EBF1: variants seen among roughly 807,000 people sequenced by gnomAD.
The protein encoded by EBF1 is EBF transcription factor 1.
EBF1 carries 10 observed loss-of-function variants against 68.4 expected under a neutral mutation model. The ratio of observed to expected loss-of-function variants is 0.15; its 90% CI spans 0.09 to 0.25. EBF1 has a LOEUF of 0.25. EBF1 is among the 10% of genes least tolerant of loss of function. The pLI, the probability that EBF1 is intolerant of heterozygous loss-of-function variation, is 1.00. For missense variants in EBF1, 509 were observed against 794.4 expected (o/e 0.64, Z 4.32); for synonymous variants, 298 against 299.8 (o/e 0.99, Z 0.06).
At chr5:158,835,389 C>A (rs187035778) in intron 7 of EBF1, among the ~76,000 whole-genome samples, 26 of 152,248 alleles carry the variant, frequency 1.7e-4, no homozygotes, top group African/African-American at 6.3e-4. Context: ...TTTCTAAAGT[C>A]CCTGCAAGTA....
intron 7 of EBF1, among the ~76,000 whole-genome samples, chr5:158,828,830 T>G (rs912630675): frequency 1.3e-5 from 2 of 152,152 alleles, no homozygotes; most frequent in African/African-American, 4.8e-5. Context: ...TGGTAATCCA[T>G]ATAATAGAAT....
At chr5:158,704,312 G>A (rs1757392855) in intron 15 of EBF1, among the ~76,000 whole-genome samples, 1 of 152,232 alleles carries the variant, frequency 6.6e-6, no homozygotes, top group African/African-American at 2.4e-5. Context: ...GACTAAGGGA[G>A]TGCTGCTGGG....
intron 6 of EBF1, among the ~76,000 whole-genome samples, chr5:158,981,468 G>T (rs1360654262): frequency 6.6e-6 from 1 of 152,080 alleles, no homozygotes; most frequent in Non-Finnish European, 1.5e-5. Context: ...TCATAAAATT[G>T]TGAAGAGGTT....
intron 6 of EBF1, among the ~76,000 whole-genome samples, chr5:158,916,022 CCT>C (rs1473771680): frequency 6.6e-6 from 1 of 152,110 alleles, no homozygotes; most frequent in Non-Finnish European, 1.5e-5. Flanking sequence ...ACCTGTAGCT[CCT>C]GACAAGTGTA....
intron 6 of EBF1, among the ~76,000 whole-genome samples, chr5:158,882,592 A>C (rs1054195234): frequency 6.6e-6 from 1 of 152,234 alleles, no homozygotes; most frequent in African/African-American, 2.4e-5. Flanking sequence ...AAAATATGCA[A>C]AGTTTCTCGA....
At position 159,006,647 on chromosome 5, in the gene EBF1, T is replaced by TAAAAAAAAAAAAAAAAAAA. The variant is rs36045942; in HGVS notation, c.554+66730_554+66748dup. 3.6e-5 allele frequency among the ~76,000 whole-genome samples: 2 copies of TAAAAAAAAAAAAAAAAAAA among 56,208 alleles called. 1 individual carries two copies. Among genetic ancestry groups the TAAAAAAAAAAAAAAAAAAA allele is most frequent in the African/African-American group, 1.8e-4 (2 of 11,400 alleles). 36.9% of individuals were successfully genotyped at this position (56,208 alleles called of 152,430 possible). A position where few individuals can be genotyped will look rare whatever the true frequency, so the allele number is the denominator to read the frequency against. ...CTCATATAACCAATCATAGCCATGT[T>TAAAAAAAAAAAAAAAAAAA]AAAAAAAAAAAAAAAAAAAAAAAAA... On this transcript the variant is annotated intron_variant, in intron 6 of 15. Transcript: ENST00000313708.
At chr5:158,949,525 G>T (rs1354240946) in intron 6 of EBF1, among the ~76,000 whole-genome samples, 1 of 152,076 alleles carries the variant, frequency 6.6e-6, no homozygotes, top group Non-Finnish European at 1.5e-5. Flanking sequence ...ATTTTCTTCA[G>T]GAAAAAGAAC....
chr5:158,763,586 A>G (rs542045593), intron 10 of EBF1, among the ~76,000 whole-genome samples: 1 of 152,156 alleles, frequency 6.6e-6, no homozygotes, highest in African/African-American at 2.4e-5. Flanking sequence ...TTTTGTAAAC[A>G]TATCACATAT....
At chr5:159,080,856 A>G (rs1443322437) in intron 5 of EBF1, among the ~76,000 whole-genome samples, 1 of 152,264 alleles carries the variant, frequency 6.6e-6, no homozygotes, top group Non-Finnish European at 1.5e-5. Flanking sequence ...GCAAAGGAAG[A>G]CAGATTGTGG....
rs1561691012 is a variant in EBF1, at chr5:158,708,022, G to C, written c.1701C>G (p.Ser567=). The change falls in exon 15 of 16, where the codon TCC becomes TCG. Residue 567 remains serine (S), a synonymous_variant. Transcript: ENST00000313708. ...TGGTGCTGGTGCAGGTGGGAGGTGG[G>C]GAGGTCTGGGGTCTGACGACTGGTG... The part of the protein sequence containing the change: ...AFAPVVRPQT[S]PPPTCTSTNG... 1 of 1,551,382 alleles carries C rather than the reference G, an allele frequency of 6.4e-7. No homozygotes were observed. The highest frequency in any genetic ancestry group is 1.4e-5 in the African/African-American group (1 of 73,250).
chr5:158,727,735 T>C (rs1581373797), intron 11 of EBF1, among the ~76,000 whole-genome samples: 1 of 152,228 alleles, frequency 6.6e-6, no homozygotes, highest in Admixed American at 6.5e-5. Context: ...GGATTCCGCT[T>C]GCTCCCGTTT....
At chr5:158,729,020 A>C (rs543994697) in intron 11 of EBF1, among the ~76,000 whole-genome samples, 1 of 152,310 alleles carries the variant, frequency 6.6e-6, no homozygotes, top group South Asian at 2.1e-4. Context: ...TCACATGTTC[A>C]ACTGCTCACC....
intron 6 of EBF1, among the ~76,000 whole-genome samples, chr5:158,952,806 T>A (rs1043647461): frequency 2.0e-5 from 3 of 152,212 alleles, no homozygotes; most frequent in African/African-American, 4.8e-5. Flanking sequence ...AGATTAGATT[T>A]CCTAAGAATT....
intron 6 of EBF1, among the ~76,000 whole-genome samples, chr5:158,966,439 C>CA (rs1379471532): frequency 2.0e-5 from 3 of 152,170 alleles, no homozygotes; most frequent in African/African-American, 7.2e-5. Context: ...CATTTCCCCT[C>CA]TCTACAAAAG....
chr5:158,766,049 C>T (rs1360009622), intron 10 of EBF1, among the ~76,000 whole-genome samples: 2 of 152,128 alleles, frequency 1.3e-5, no homozygotes, highest in African/African-American at 4.8e-5. Context: ...TCGGTAGGGG[C>T]ATGAAATAAT....
intron 7 of EBF1, among the ~76,000 whole-genome samples, chr5:158,834,739 C>T (rs1005868431): frequency 6.6e-6 from 1 of 152,212 alleles, no homozygotes; most frequent in Non-Finnish European, 1.5e-5. Context: ...AGATCAACAA[C>T]CTTTCTTATG....
At chr5:158,910,901 C>T (rs1379165218) in intron 6 of EBF1, among the ~76,000 whole-genome samples, 2 of 152,178 alleles carry the variant, frequency 1.3e-5, no homozygotes, top group Non-Finnish European at 2.9e-5. Flanking sequence ...TTGAGTAGTC[C>T]ACAAAACTCT....
At chr5:158,725,089 T>A (rs2127529169) in intron 11 of EBF1, among the ~76,000 whole-genome samples, 1 of 152,334 alleles carries the variant, frequency 6.6e-6, no homozygotes, top group South Asian at 2.1e-4. Flanking sequence ...GGAGAGCCAC[T>A]TCATAGAGAC....
intron 10 of EBF1, among the ~76,000 whole-genome samples, chr5:158,738,575 T>C (rs1765675146): frequency 6.6e-6 from 1 of 152,214 alleles, no homozygotes; most frequent in African/African-American, 2.4e-5. Flanking sequence ...TATAAGACTC[T>C]TTTTCCAGTA....
Sources: allele counts gnomAD v4.1 joint callset (sites outside exome capture counted in the v4.1 genomes callset), GRCh38; gene constraint gnomAD v4.1.1; transcripts MANE v1.5; gene names NCBI Gene and HGNC (gene_info 2026-07-23, HGNC 2026-07-21).